The following OR9I1 variants were observed in gnomAD, a reference collection of about 807,000 sequenced individuals.
The protein encoded by OR9I1 is olfactory receptor 9I1.
In OR9I1, 7 loss-of-function variants were observed where a neutral mutation model predicts 11.2. The observed-to-expected ratio is 0.62, with a 90% CI of 0.36 to 1.17. OR9I1 has a LOEUF of 1.17. OR9I1 is among the 50% of genes most tolerant of loss of function. The probability of loss-of-function intolerance (pLI) is 0.02; values close to 1 mark genes in which losing one functional copy is unlikely to be tolerated. For missense variants in OR9I1, 428 were observed against 377.2 expected (o/e 1.13, Z -1.12); for synonymous variants, 165 against 153.4 (o/e 1.08, Z -0.56).
chr11:58,119,003 C>T lies in OR9I1; in HGVS notation c.442G>A (p.Ala148Thr). 3 of 1,613,930 alleles carry T rather than the reference C, an allele frequency of 1.9e-6. No individual in the cohort carries two copies. Among genetic ancestry groups the T allele is most frequent in the South Asian group, 1.1e-5 (1 of 91,080 alleles). The change falls in exon 3 of 3, where the codon GCC (alanine) becomes ACC (threonine). Residue 148 changes from alanine (A) to threonine (T), a missense_variant. Transcript: ENST00000641439. ...PRLCWSLVVG[A>T]YVCGVSGAIL... Reference sequence around the variant, plus strand: ...GCTCCTGACACCCCACAGACATAGGCTCCTACCACCAGGCTCCAGCAGAGC... The same window carrying T: ...GCTCCTGACACCCCACAGACATAGGTTCCTACCACCAGGCTCCAGCAGAGC...
In OR9I1 at chr11:58,117,863, C is replaced by A. The variant is rs1853973392; in HGVS notation, c.*637G>T. 1 of 152,030 alleles carries A rather than the reference C, an allele frequency of 6.6e-6. No homozygotes were observed. The highest frequency in any genetic ancestry group is 1.5e-5 in the Non-Finnish European group (1 of 68,014). The allele number at this position is 152,030 out of a possible 1,614,324, so 9.4% of individuals were successfully genotyped here. A position where few individuals can be genotyped will look rare whatever the true frequency, so the allele number is the denominator to read the frequency against. On this transcript the variant is annotated 3_prime_UTR_variant, in exon 3 of 3. Coordinates refer to ENST00000641439, the MANE Select transcript of OR9I1 (RefSeq NM_001005211.2). ...AAGGAACAACAAAACCAGTAAGGTA[C>A]CAAGTGATAAGGAAAATTTCAAGTT...
In OR9I1 at chr11:58,119,322, C is replaced by A. The variant is rs938165792; in HGVS notation, c.123G>T (p.Gly41=). ...FLSFYLVTLL[G]NVGMIMLIQV... ...GGATTAACATAATCATCCCCACATT[C>A]CCAAGAAGGGTGACTAGGTAGAAAC... Residue 41 remains glycine, a synonymous_variant, in exon 3 of 3, where the codon GGG becomes GGT. Coordinates refer to ENST00000641439, the MANE Select transcript of OR9I1 (RefSeq NM_001005211.2). The A allele has an allele frequency of 1.9e-6, 3 of 1,613,808 alleles. No homozygotes were observed. Among genetic ancestry groups the A allele is most frequent in the African/African-American group, 1.3e-5 (1 of 74,980 alleles).
At chr11:58,121,176 C>T (rs1351219249) in intron 2 of OR9I1, among the ~76,000 whole-genome samples, 1 of 152,108 alleles carries the variant, frequency 6.6e-6, no homozygotes. Flanking sequence ...TTCTTTTGAT[C>T]TAACAAATTG....
chr11:58,121,064 C>CA (rs1854027730), intron 2 of OR9I1, among the ~76,000 whole-genome samples: 1 of 151,936 alleles, frequency 6.6e-6, no homozygotes, highest in Non-Finnish European at 1.5e-5. Flanking sequence ...ATGCCATACA[C>CA]AAAAAGACTA....
chr11:58,119,036 T>C lies in OR9I1; in HGVS notation c.409A>G (p.Asn137Asp), dbSNP rs1372602892. Reference sequence around the variant, plus strand: ...ACCAGGCTCCAGCAGAGCCTGGGATTCATGGCCACGGTATAGAGCAGTGGG... The same window carrying C: ...ACCAGGCTCCAGCAGAGCCTGGGATCCATGGCCACGGTATAGAGCAGTGGG... ...RNPLLYTVAM[N>D]PRLCWSLVVG... Residue 137 changes from asparagine to aspartate, a missense_variant, in exon 3 of 3, where the codon AAT becomes GAT. By Grantham distance (23) the Asn-to-Asp change is conservative. Transcript: ENST00000641439. 6.2e-7 allele frequency: 1 copy of C among 1,614,010 alleles called. No individual in the cohort carries two copies. Among genetic ancestry groups the C allele is most frequent in the Admixed American group, 1.7e-5 (1 of 60,018 alleles).
At position 58,118,432 on chromosome 11, in the gene OR9I1, T is replaced by C. The variant is rs1368368125; in HGVS notation, c.*68A>G. On this transcript the variant is annotated 3_prime_UTR_variant, in exon 3 of 3. Transcript: ENST00000641439. Reference sequence around the variant, plus strand: ...TGTGGGTATAGGTTGCATATAGTAATGGTGCCTATTAGGATATATTCATAT... The same window carrying C: ...TGTGGGTATAGGTTGCATATAGTAACGGTGCCTATTAGGATATATTCATAT... The C allele has an allele frequency of 1.9e-5, 19 of 1,009,818 alleles. No homozygotes were observed. In the African/African-American group the frequency reaches 2.1e-4, roughly 11 times the overall value. 62.6% of individuals were successfully genotyped at this position (1,009,818 alleles called of 1,614,324 possible).
chr11:58,120,447 G>A (rs970019110), intron 2 of OR9I1, among the ~76,000 whole-genome samples: 1 of 151,724 alleles, frequency 6.6e-6, no homozygotes, highest in Non-Finnish European at 1.5e-5. Context: ...TTTTGAATTT[G>A]AATATGTTTT....
At chr11:58,121,304 C>T (rs1460003504) in intron 2 of OR9I1, among the ~76,000 whole-genome samples, 1 of 152,110 alleles carries the variant, frequency 6.6e-6, no homozygotes, top group Admixed American at 6.5e-5. Context: ...TGCATAATAC[C>T]ATGTTCCAAG....
At position 58,119,073 on chromosome 11, in the gene OR9I1, AGCATAG is replaced by A. The variant is rs1411145288; in HGVS notation, c.366_371del (p.Tyr123_Ala124del). The stretch of plus-strand genomic sequence containing the variant: ...TATAGAGCAGTGGGTTGCGAATGGC[AGCATAG>A]CGATCATAGGCCATCACTGCCAGCA... On this transcript the variant is annotated inframe_deletion, in exon 3 of 3. Transcript: ENST00000641439. 6.2e-7 allele frequency: 1 copy of A among 1,614,020 alleles called. No individual in the cohort carries two copies. The highest frequency in any genetic ancestry group is 1.7e-5 in the Admixed American group (1 of 60,014).
chr11:58,121,737 A>G (rs1217512752), intron 2 of OR9I1, among the ~76,000 whole-genome samples: 1 of 152,202 alleles, frequency 6.6e-6, no homozygotes, highest in East Asian at 1.9e-4. Flanking sequence ...TTGTAGCACA[A>G]CTGGGAATTT....
Position 58,119,998 on chromosome 11 carries a change from T to A in OR9I1, c.-22-532A>T, listed in dbSNP as rs535051866. ...TGAATCTGCTCTTCCTGCCCACCAT[T>A]CCCTTATAGTACACATTGATATATT... On this transcript the variant is annotated intron_variant, in intron 2 of 2. Transcript: ENST00000641439. Among the ~76,000 whole-genome samples, 5 of 152,254 alleles carry A rather than the reference T, an allele frequency of 3.3e-5. No individual in the cohort carries two copies. The South Asian group carries it at 1.0e-3, about 32-fold the overall frequency.
At chr11:58,120,353 T>G (rs529136751) in intron 2 of OR9I1, among the ~76,000 whole-genome samples, 46 of 152,290 alleles carry the variant, frequency 3.0e-4, no homozygotes, top group African/African-American at 8.7e-4. Context: ...AAATAACATA[T>G]TCACCTATTT....
At chr11:58,120,555 C>A (rs950483977) in intron 2 of OR9I1, among the ~76,000 whole-genome samples, 1 of 151,646 alleles carries the variant, frequency 6.6e-6, no homozygotes, top group Non-Finnish European at 1.5e-5. Flanking sequence ...ATATCCATCA[C>A]CCGAGCAGTA....
At chr11:58,122,033 C>G (rs1031594121) in intron 2 of OR9I1, among the ~76,000 whole-genome samples, 7 of 152,098 alleles carry the variant, frequency 4.6e-5, no homozygotes, top group Admixed American at 2.6e-4. Flanking sequence ...TTTTTTACTT[C>G]TCTTTCACCT....
chr11:58,118,725 T>C lies in OR9I1; in HGVS notation c.720A>G (p.Thr240=), dbSNP rs375927234. The C allele has an allele frequency of 2.5e-5, 41 of 1,613,954 alleles. No homozygotes were observed. The highest frequency in any genetic ancestry group is 3.4e-5 in the Non-Finnish European group (40 of 1,179,988). ...SSGGRAKTFS[T]CASHITAVAL... ...CCACAGCAGTGATGTGAGAGGCACA[T>C]GTGGAGAAAGTCTTGGCCCTGCCAC... Residue 240 remains threonine (T), a synonymous_variant, in exon 3 of 3, where the codon ACA becomes ACG. Transcript: ENST00000641439.
chr11:58,120,696 G>T (rs902817393), intron 2 of OR9I1, among the ~76,000 whole-genome samples: 1 of 151,028 alleles, frequency 6.6e-6, no homozygotes, highest in Non-Finnish European at 1.5e-5. Context: ...ATCAATTTTA[G>T]TTGGTAGCTA....
Position 58,117,748 on chromosome 11 carries a change from A to G in OR9I1, c.*752T>C, listed in dbSNP as rs936688125. 3 of 152,186 alleles carry G rather than the reference A, an allele frequency of 2.0e-5. No homozygotes were observed. The highest frequency in any genetic ancestry group is 7.2e-5 in the African/African-American group (3 of 41,440). The allele number at this position is 152,186 out of a possible 1,614,324, so 9.4% of individuals were successfully genotyped here. ...GGGTGAGGAGGAGAAGCAATGTACC[A>G]TGGCCTTCAGAAATGAGAGAGCTTG... is the stretch of plus-strand genomic sequence containing the variant. On this transcript the variant is annotated 3_prime_UTR_variant, in exon 3 of 3. Transcript: ENST00000641439.
chr11:58,122,009 TC>T (rs1448500941), intron 2 of OR9I1, among the ~76,000 whole-genome samples: 1 of 152,214 alleles, frequency 6.6e-6, no homozygotes, highest in Non-Finnish European at 1.5e-5. Flanking sequence ...TCCTCTGGCT[TC>T]CATGGGATCC....
rs1853959229 is a variant in OR9I1 at position 58,116,780 on chromosome 11, A to G, written c.*1720T>C. 6.6e-6 allele frequency: 1 copy of G among 152,206 alleles called. No homozygotes were observed. The highest frequency in any genetic ancestry group is 2.4e-5 in the African/African-American group (1 of 41,466). 9.4% of individuals were successfully genotyped at this position (152,206 alleles called of 1,614,324 possible). On this transcript the variant is annotated 3_prime_UTR_variant, in exon 3 of 3. Transcript: ENST00000641439. ...TTTCTGAATCAGTCAACTACAAGAT[A>G]TTTGGTGAATTATTTTAATAAAATT...
Sources: gnomAD v4.1 joint callset for allele counts (sites outside exome capture counted in the v4.1 genomes callset) on GRCh38, gnomAD v4.1.1 for gene constraint, MANE v1.5 for transcripts, NCBI Gene and HGNC (gene_info 2026-07-23, HGNC 2026-07-21) for gene names.